Variants in ZSCAN29 observed in about 807,000 individuals in gnomAD.
The protein encoded by ZSCAN29 is zinc finger and SCAN domain containing 29, also known as zinc finger and SCAN domain-containing protein 29.
A neutral mutation model predicts 71.9 loss-of-function variants in ZSCAN29; 55 were observed. The observed-to-expected ratio is 0.76, with a 90% CI of 0.62 to 0.96. The LOEUF is 0.96. Ranked by LOEUF, ZSCAN29 falls within the 40% of genes least tolerant of loss-of-function variation. The pLI, the probability that ZSCAN29 is intolerant of heterozygous loss-of-function variation, is 0.00. For missense variants in ZSCAN29, 1,042 were observed against 1,042.2 expected, an observed-to-expected ratio of 1.00 and a Z score of 0.00; for synonymous variants, 351 against 371.6, an observed-to-expected ratio of 0.94 and a Z score of 0.64.
Position 43,369,734 on chromosome 15 carries a change from C to T in ZSCAN29, c.180G>A (p.Leu60=). The part of the protein sequence containing the change: ...EVRTKEQIVE[L]LVLEQFLTVL... ...CGGTCAGGAACTGCTCTAGCACCAACAGTTCTACAATCTGCTCCTTGGTGC... is the reference window on the plus strand; with the variant it reads ...CGGTCAGGAACTGCTCTAGCACCAATAGTTCTACAATCTGCTCCTTGGTGC... The change falls in exon 2 of 6, where the codon CTG becomes CTA. Residue 60 remains leucine, a synonymous_variant. Transcript: ENST00000684362. 6.2e-7 allele frequency: 1 copy of T among 1,614,272 alleles called. No individual in the cohort carries two copies. Among genetic ancestry groups the T allele is most frequent in the African/African-American group, 1.3e-5 (1 of 75,074 alleles).
chr15:43,361,435 G>A lies in ZSCAN29; in HGVS notation c.2197C>T (p.Pro733Ser), dbSNP rs1276166034. 2 of 1,613,734 alleles carry A rather than the reference G, an allele frequency of 1.2e-6. No individual in the cohort carries two copies. Among genetic ancestry groups the A allele is most frequent in the Non-Finnish European group, 8.5e-7 (1 of 1,179,586 alleles). The change falls in exon 6 of 6, where the codon CCT becomes TCT. Residue 733 changes from proline (P) to serine (S), a missense_variant. By Grantham distance (74) the Pro-to-Ser change is moderately conservative (BLOSUM62 -1). Coordinates refer to ENST00000684362, the MANE Select transcript of ZSCAN29 (RefSeq NM_001372080.1). ...TTCCCACACTCACCACATTGATAAG[G>A]TTTCTCTCCTGTGTGGATTCTCCTA... ...THRRIHTGEK[P>S]YQCGECGKCF...
chr15:43,361,415 A>G lies in ZSCAN29; in HGVS notation c.2217T>C (p.Cys739=). 6.2e-7 allele frequency: 1 copy of G among 1,614,056 alleles called. No individual in the cohort carries two copies. Among genetic ancestry groups the G allele is most frequent in the Non-Finnish European group, 8.5e-7 (1 of 1,179,938 alleles). ...TGEKPYQCGE[C]GKCFNQSSSL... ...TTGAGCTCTGATTGAAGCATTTCCC[A>G]CACTCACCACATTGATAAGGTTTCT... Residue 739 remains cysteine (C), a synonymous_variant, in exon 6 of 6, where the codon TGT becomes TGC. Coordinates refer to ENST00000684362, the MANE Select transcript of ZSCAN29 (RefSeq NM_001372080.1).
rs1358758715 is a variant in ZSCAN29 at position 43,364,343 on chromosome 15, G to C, written c.1262C>G (p.Ala421Gly). 1.2e-6 allele frequency: 2 copies of C among 1,614,128 alleles called. No homozygotes were observed. Among genetic ancestry groups the C allele is most frequent in the East Asian group, 2.2e-5 (1 of 44,870 alleles). ...ATAAAACTGGGTCTCACTAAGAATT[G>C]CAAGGTAAGTCTTGGTCTCTTCATA... ...WGYEETKTYL[A>G]ILSETQFYEA... is the part of the protein sequence containing the mutation. Residue 421 changes from alanine (A) to glycine (G), a missense_variant, in exon 5 of 6, where the codon GCA becomes GGA. By Grantham distance (60) the Ala-to-Gly change is moderately conservative (BLOSUM62 0). Transcript: ENST00000684362.
At chr15:43,364,473 C>T in intron 4 of ZSCAN29, 91 bp from the exon 5 acceptor site, 1 of 1,184,576 alleles carries the variant, frequency 8.4e-7, no homozygotes, top group Non-Finnish European at 1.2e-6. Flanking sequence ...TGAGAATTCA[C>T]CTAAGCTCAG....
At chr15:43,362,784 C>A (rs1486148196) in intron 5 of ZSCAN29, among the ~76,000 whole-genome samples, 1 of 152,068 alleles carries the variant, frequency 6.6e-6, no homozygotes, top group Non-Finnish European at 1.5e-5. Context: ...TCTTCCCAAA[C>A]CTATAAGTTA....
chr15:43,366,360 AAAG>A lies in ZSCAN29; in HGVS notation c.969_971del (p.Phe324del). 6.2e-7 allele frequency: 1 copy of A among 1,613,776 alleles called. No homozygotes were observed. The highest frequency in any genetic ancestry group is 2.2e-5 in the East Asian group (1 of 44,868). On this transcript the variant is annotated inframe_deletion, in exon 4 of 6. Coordinates refer to ENST00000684362, the MANE Select transcript of ZSCAN29 (RefSeq NM_001372080.1). ...CACTCATCAGGGCTTCCATCTCTTC[AAAG>A]AAGGGGCAGGTCTCAGGTGGGTGGC... is the stretch of plus-strand genomic sequence containing the variant.
At chr15:43,365,671 A>G (rs1171489503) in intron 4 of ZSCAN29, among the ~76,000 whole-genome samples, 1 of 152,250 alleles carries the variant, frequency 6.6e-6, no homozygotes, top group African/African-American at 2.4e-5. Flanking sequence ...TATTCTAAGT[A>G]AAAACGAATA....
At chr15:43,369,158 A>G in intron 2 of ZSCAN29, 31 bp from the exon 3 acceptor site, 1 of 1,520,738 alleles carries the variant, frequency 6.6e-7, no homozygotes, top group Admixed American at 2.1e-5. Context: ...TTGTCACTGC[A>G]AGATCATAAT....
Position 43,369,836 on chromosome 15 carries a change from G to T in ZSCAN29, c.78C>A (p.Tyr26Ter). Residue 26 changes from tyrosine (Y) to a stop codon, truncating the protein, a stop_gained, in exon 2 of 6, where the codon TAC becomes TAA. Coordinates refer to ENST00000684362, the MANE Select transcript of ZSCAN29 (RefSeq NM_001372080.1). LOFTEE classifies it high-confidence loss of function. The part of the protein sequence containing the change: ...TFRQRFRRFH[Y>*]QEVAGPREAF... ...CCTCCCGCGGCCCAGCCACCTCCTG[G>T]TAATGGAATCTCCTGAAACGCTGTC... 2 of 1,614,018 alleles carry T rather than the reference G, an allele frequency of 1.2e-6. No homozygotes were observed. Among genetic ancestry groups the T allele is most frequent in the African/African-American group, 1.3e-5 (1 of 75,072 alleles).
chr15:43,369,735 A>G lies in ZSCAN29; in HGVS notation c.179T>C (p.Leu60Pro). ...EVRTKEQIVE[L>P]LVLEQFLTVL... Reference sequence around the variant, plus strand: ...GGTCAGGAACTGCTCTAGCACCAACAGTTCTACAATCTGCTCCTTGGTGCG... The same window carrying G: ...GGTCAGGAACTGCTCTAGCACCAACGGTTCTACAATCTGCTCCTTGGTGCG... Residue 60 changes from leucine to proline, a missense_variant, in exon 2 of 6, where the codon CTG becomes CCG. Coordinates refer to ENST00000684362, the MANE Select transcript of ZSCAN29 (RefSeq NM_001372080.1). The G allele has an allele frequency of 6.2e-7, 1 of 1,614,274 alleles. No individual in the cohort carries two copies. The highest frequency in any genetic ancestry group is 1.1e-5 in the South Asian group (1 of 91,090).
intron 3 of ZSCAN29, among the ~76,000 whole-genome samples, chr15:43,368,389 A>G (rs1595468968): frequency 1.1e-5 from 1 of 94,536 alleles, no homozygotes; most frequent in Admixed American, 9.0e-5. Context: ...AGCCGGGCGT[A>G]GTGGCGGGCG....
intron 5 of ZSCAN29, among the ~76,000 whole-genome samples, chr15:43,363,368 T>A (rs2044002008): frequency 6.6e-6 from 1 of 152,216 alleles, no homozygotes; most frequent in Non-Finnish European, 1.5e-5. Flanking sequence ...ATCAGAACTC[T>A]TCTCACAAGG....
chr15:43,360,937 G>T lies in ZSCAN29; in HGVS notation c.*136C>A. On this transcript the variant is annotated 3_prime_UTR_variant, in exon 6 of 6. Transcript: ENST00000684362. ...TTGAGTCTAGATCAGGAAAAACAAG[G>T]AACAAACAGTGGCATAAATCCTAAA... 2 of 1,243,036 alleles carry T rather than the reference G, an allele frequency of 1.6e-6. No individual in the cohort carries two copies. The highest frequency in any genetic ancestry group is 1.1e-6 in the Non-Finnish European group (1 of 901,946). The allele number at this position is 1,243,036 out of a possible 1,614,324, so 77.0% of individuals were successfully genotyped here.
At chr15:43,362,310 A>C (rs1023069313) in intron 5 of ZSCAN29, among the ~76,000 whole-genome samples, 1 of 152,224 alleles carries the variant, frequency 6.6e-6, no homozygotes, top group Non-Finnish European at 1.5e-5. Flanking sequence ...CGGGTCTGTC[A>C]TAGTATTCTT....
rs928487738 is a variant in ZSCAN29, at chr15:43,370,986, G to GGCCCCGGCCCCA, written c.-542_-541insTGGGGCCGGGGC. ...GGGGTCCGACCCTGACCCCGGCCCC[G>GGCCCCGGCCCCA]GCCCCGGCCCCGGCCCCGGCTCTCC... On this transcript the variant is annotated 5_prime_UTR_variant, in exon 1 of 6. Coordinates refer to ENST00000684362, the MANE Select transcript of ZSCAN29 (RefSeq NM_001372080.1). The GGCCCCGGCCCCA allele has an allele frequency of 1.6e-5, 5 of 312,852 alleles. No homozygotes were observed. The highest frequency in any genetic ancestry group is 3.1e-5 in the Non-Finnish European group (5 of 163,104). 19.4% of individuals were successfully genotyped at this position (312,852 alleles called of 1,614,324 possible). A position where few individuals can be genotyped will look rare whatever the true frequency, so the allele number is the denominator to read the frequency against.
chr15:43,368,776 T>C (rs2044064749), intron 3 of ZSCAN29, 147 bp downstream of exon 3: 2 of 678,652 alleles, frequency 2.9e-6, no homozygotes, highest in East Asian at 5.4e-5. Context: ...AGAGGTAATA[T>C]GAATACCAGA....
chr15:43,361,585 A>C lies in ZSCAN29; in HGVS notation c.2047T>G (p.Cys683Gly). The part of the protein sequence containing the change: ...QVENPYKCAD[C>G]GKSFSRSARL... ...GCACTCCGACTGAAGCTTTTCCCACAATCAGCACATTTATATGGATTTTCC... is the reference window on the plus strand; with the variant it reads ...GCACTCCGACTGAAGCTTTTCCCACCATCAGCACATTTATATGGATTTTCC... Residue 683 changes from cysteine (C) to glycine (G), a missense_variant, in exon 6 of 6, where the codon TGT becomes GGT. By Grantham distance (159) the Cys-to-Gly change is radical (BLOSUM62 -3). Transcript: ENST00000684362. 3.7e-6 allele frequency: 6 copies of C among 1,614,182 alleles called. No individual in the cohort carries two copies. The highest frequency in any genetic ancestry group is 5.1e-6 in the Non-Finnish European group (6 of 1,180,030).
rs781517782 is a variant in ZSCAN29 at position 43,361,740 on chromosome 15, G to A, written c.1892C>T (p.Pro631Leu). 2.8e-5 allele frequency: 45 copies of A among 1,614,126 alleles called. No individual in the cohort carries two copies. The highest frequency in any genetic ancestry group is 5.3e-5 in the African/African-American group (4 of 74,998). ...SGEKRGKLTL[P>L]EKSLSEVLSQ... ...TAGGACTTCACTTAAGCTCTTCTCC[G>A]GGAGTGTCAGTTTTCCTCTTTTCTC... The change falls in exon 6 of 6, where the codon CCG becomes CTG. Residue 631 changes from proline to leucine, a missense_variant. Pro to Leu is a moderately conservative substitution (Grantham distance 98). Coordinates refer to ENST00000684362, the MANE Select transcript of ZSCAN29 (RefSeq NM_001372080.1).
Position 43,366,428 on chromosome 15 carries a change from A to G in ZSCAN29, c.904T>C (p.Phe302Leu). 1 of 1,613,920 alleles carries G rather than the reference A, an allele frequency of 6.2e-7. No individual in the cohort carries two copies. The highest frequency in any genetic ancestry group is 8.5e-7 in the Non-Finnish European group (1 of 1,179,976). The change falls in exon 4 of 6, where the codon TTC becomes CTC. Residue 302 changes from phenylalanine to leucine, a missense_variant. By Grantham distance (22) the Phe-to-Leu change is conservative. Coordinates refer to ENST00000684362, the MANE Select transcript of ZSCAN29 (RefSeq NM_001372080.1). ...LRTLEQCRTK[F>L]KGLQKSYRKV... is the part of the protein sequence containing the mutation. ...CGATAGCTCTTCTGGAGACCTTTGA[A>G]CTTGGTCCGACACTGTTCCAGGGTC... is the stretch of plus-strand genomic sequence containing the variant.
Sources: allele counts gnomAD v4.1 joint callset (sites outside exome capture counted in the v4.1 genomes callset), GRCh38; gene constraint gnomAD v4.1.1; transcripts MANE v1.5; gene names NCBI Gene and HGNC (gene_info 2026-07-23, HGNC 2026-07-21).